Variants in COL12A1 observed in about 807,000 individuals in gnomAD.
COL12A1 encodes the protein collagen type XII alpha 1 chain.
COL12A1 carries 114 observed loss-of-function variants against 349.7 expected under a neutral mutation model. The ratio of observed to expected loss-of-function variants is 0.33; its 90% CI spans 0.28 to 0.38. COL12A1 has a LOEUF of 0.38. Ranked by LOEUF, COL12A1 falls within the 10% of genes least tolerant of loss-of-function variation. The pLI, the probability that COL12A1 is intolerant of heterozygous loss-of-function variation, is 1.00. For synonymous variants in COL12A1, 1,369 were observed against 1,329.0 expected, an observed-to-expected ratio of 1.03 and a Z score of -0.66; for missense variants, 3,284 against 3,756.9, an observed-to-expected ratio of 0.87 and a Z score of 3.29.
Position 75,143,403 on chromosome 6 carries a change from G to A in COL12A1, c.4691-15C>T. On this transcript the variant is annotated splice_polypyrimidine_tract_variant and intron_variant, in intron 25 of 65. Coordinates refer to ENST00000322507, the MANE Select transcript of COL12A1 (RefSeq NM_004370.6). ...GGGTAAAGGCACTAGAGAAGCACGAGATATTAAATCCAGATGTGCTTCTCA... is the reference window on the plus strand; with the variant it reads ...GGGTAAAGGCACTAGAGAAGCACGAAATATTAAATCCAGATGTGCTTCTCA... The A allele has an allele frequency of 1.2e-6, 2 of 1,611,200 alleles. No individual in the cohort carries two copies. Among genetic ancestry groups the A allele is most frequent in the Non-Finnish European group, 1.7e-6 (2 of 1,179,336 alleles).
chr6:75,152,616 A>G, intron 17 of COL12A1, 134 bp from the exon 18 acceptor site: 1 of 902,220 alleles, frequency 1.1e-6, no homozygotes, highest in Non-Finnish European at 1.7e-6. Flanking sequence ...AGTGATGTGG[A>G]GTATAAGACT....
At chr6:75,140,842 T>C (rs909742415) in intron 27 of COL12A1, among the ~76,000 whole-genome samples, 18 of 152,136 alleles carry the variant, frequency 1.2e-4, no homozygotes, top group African/African-American at 4.3e-4. Flanking sequence ...CTGGGCAAGT[T>C]GCTTAAATTT....
chr6:75,173,129 C>T (rs1300260015), intron 13 of COL12A1, among the ~76,000 whole-genome samples: 3 of 152,160 alleles, frequency 2.0e-5, no homozygotes, highest in Non-Finnish European at 4.4e-5. Flanking sequence ...ATTTCACTTA[C>T]ATTCTCCCAT....
Position 75,130,198 on chromosome 6 carries a change from C to T in COL12A1, c.6103G>A (p.Gly2035Ser), listed in dbSNP as rs750263276. Reference sequence around the variant, plus strand: ...ACCGAGAGGCTATTGGTTGTTTCACCAAAGACTCTCAGGTTCCTTGGTCCA... The same window carrying T: ...ACCGAGAGGCTATTGGTTGTTTCACTAAAGACTCTCAGGTTCCTTGGTCCA... ...RSGPRNLRVF[G>S]ETTNSLSVAW... is the part of the protein sequence containing the mutation. The change falls in exon 37 of 66, where the codon GGT becomes AGT. Residue 2035 changes from glycine (G) to serine (S), a missense_variant. Transcript: ENST00000322507. The T allele has an allele frequency of 2.5e-6, 4 of 1,613,920 alleles. No homozygotes were observed. The highest frequency in any genetic ancestry group is 1.7e-5 in the Admixed American group (1 of 59,992).
chr6:75,155,939 A>G (rs368793538), intron 15 of COL12A1, 85 bp from the exon 16 acceptor site: 2 of 1,384,390 alleles, frequency 1.4e-6, no homozygotes, highest in East Asian at 2.4e-5. Flanking sequence ...AAAAATGCAT[A>G]TCCATAAAAA....
intron 39 of COL12A1, 138 bp from the exon 40 acceptor site, chr6:75,125,411 C>G (rs575108301): frequency 6.3e-5 from 43 of 686,380 alleles, no homozygotes; most frequent in Non-Finnish European, 9.5e-5. Flanking sequence ...CTCACTGGGG[C>G]ACATGCTATG....
chr6:75,096,611 C>T (rs999682640), intron 59 of COL12A1, among the ~76,000 whole-genome samples: 1 of 152,128 alleles, frequency 6.6e-6, no homozygotes, highest in African/African-American at 2.4e-5. Flanking sequence ...AATTCTGTAA[C>T]AGGGGCCGGG....
chr6:75,146,204 G>A lies in COL12A1; in HGVS notation c.4458C>T (p.Gly1486=). 1.2e-6 allele frequency: 2 copies of A among 1,611,666 alleles called. No individual in the cohort carries two copies. The highest frequency in any genetic ancestry group is 2.2e-5 in the East Asian group (1 of 44,822). The part of the protein sequence containing the change: ...PVVSLNIYDV[G]PTTMHVQWQP... ...GCCACTGCACATGCATGGTGGTAGGGCCAACATCATAAATATTCAGGCTGA... is the reference window on the plus strand; with the variant it reads ...GCCACTGCACATGCATGGTGGTAGGACCAACATCATAAATATTCAGGCTGA... The change falls in exon 24 of 66, where the codon GGC becomes GGT. Residue 1486 remains glycine (G), a synonymous_variant. Transcript: ENST00000322507.
chr6:75,124,473 A>C, intron 40 of COL12A1, 102 bp from the exon 41 acceptor site: 1 of 829,064 alleles, frequency 1.2e-6, no homozygotes, highest in Admixed American at 3.1e-5. Context: ...GCTAAAAAAA[A>C]GTTCAAAATT....
intron 47 of COL12A1, among the ~76,000 whole-genome samples, chr6:75,116,630 A>G (rs1257456451): frequency 2.2e-4 from 34 of 152,086 alleles, no homozygotes. Context: ...TTCAGCATAA[A>G]TTTTCATAGT....
intron 4 of COL12A1, 64 bp from the exon 5 acceptor site, chr6:75,191,824 A>T: frequency 9.6e-7 from 1 of 1,040,988 alleles, no homozygotes; most frequent in East Asian, 2.9e-5. Flanking sequence ...TTTAAAATAG[A>T]ATAAATATAT....
chr6:75,181,814 G>A (rs1212264870), intron 10 of COL12A1, among the ~76,000 whole-genome samples: 1 of 152,042 alleles, frequency 6.6e-6, no homozygotes, highest in Admixed American at 6.6e-5. Flanking sequence ...GGCAGGAAGG[G>A]TATGGGGGCT....
rs1293960049 is a variant in COL12A1 at position 75,183,373 on chromosome 6, A to T, written c.1568T>A (p.Met523Lys). The T allele has an allele frequency of 6.2e-7, 1 of 1,614,100 alleles. No homozygotes were observed. Among genetic ancestry groups the T allele is most frequent in the African/African-American group, 1.3e-5 (1 of 74,942 alleles). ...RGGSTNTGKAMTYVREKIFVP... is the reference protein window; with the variant it reads ...RGGSTNTGKAKTYVREKIFVP... Reference sequence around the variant, plus strand: ...AAATATTTTCTCTCTGACATAAGTCATTGCTTTGCCAGTATTTGTAGATCC... The same window carrying T: ...AAATATTTTCTCTCTGACATAAGTCTTTGCTTTGCCAGTATTTGTAGATCC... The change falls in exon 10 of 66, where the codon ATG (methionine) becomes AAG (lysine). Residue 523 changes from methionine (M) to lysine (K), a missense_variant. Physicochemically the swap from Met to Lys is moderately conservative, Grantham distance 95. Transcript: ENST00000322507.
At chr6:75,178,280 T>C (rs550184233) in intron 11 of COL12A1, among the ~76,000 whole-genome samples, 2 of 152,342 alleles carry the variant, frequency 1.3e-5, no homozygotes, top group Non-Finnish European at 2.9e-5. Flanking sequence ...GTCATTTCTT[T>C]GAATATAAGC....
intron 42 of COL12A1, among the ~76,000 whole-genome samples, chr6:75,123,682 A>T (rs1172218377): frequency 6.6e-6 from 1 of 152,160 alleles, no homozygotes; most frequent in Non-Finnish European, 1.5e-5. Flanking sequence ...ACTAATATGA[A>T]TTCACCTTCT....
intron 3 of COL12A1, among the ~76,000 whole-genome samples, chr6:75,192,823 A>T (rs974323262): frequency 3.3e-5 from 5 of 152,084 alleles, no homozygotes; most frequent in African/African-American, 1.2e-4. Flanking sequence ...AGTGGGAAAA[A>T]ATCTGTGTGG....
intron 63 of COL12A1, among the ~76,000 whole-genome samples, chr6:75,089,396 T>A (rs1290050122): frequency 6.6e-6 from 1 of 152,142 alleles, no homozygotes; most frequent in East Asian, 1.9e-4. Context: ...AGGGGAAAAA[T>A]TATTTGAAGC....
intron 60 of COL12A1, among the ~76,000 whole-genome samples, chr6:75,093,878 G>A (rs1767885562): frequency 6.6e-6 from 1 of 152,094 alleles, no homozygotes; most frequent in South Asian, 2.1e-4. Context: ...TCAATTATAT[G>A]AGTAATATTC....
At position 75,103,543 on chromosome 6, in the gene COL12A1, T is replaced by C. The variant is rs1451377790; in HGVS notation, c.8319+214A>G. Among the ~76,000 whole-genome samples the C allele has an allele frequency of 2.6e-5, 4 of 152,202 alleles. No homozygotes were observed. The East Asian group carries it at 7.7e-4, about 29-fold the overall frequency. On this transcript the variant is annotated intron_variant, in intron 55 of 65. Coordinates refer to ENST00000322507, the MANE Select transcript of COL12A1 (RefSeq NM_004370.6). The stretch of plus-strand genomic sequence containing the variant: ...TCTGCAGCTTCCCCATGTGTAATTG[T>C]TACAGCTATGACATGCATCCTATGC...
Sources: gnomAD v4.1 joint callset for allele counts (sites outside exome capture counted in the v4.1 genomes callset) on GRCh38, gnomAD v4.1.1 for gene constraint, MANE v1.5 for transcripts, NCBI Gene and HGNC (gene_info 2026-07-23, HGNC 2026-07-21) for gene names.